C17orf99: variants seen among roughly 807,000 people sequenced by gnomAD.
The protein encoded by C17orf99 is chromosome 17 open reading frame 99.
Under a neutral mutation model 22.6 loss-of-function variants are expected in C17orf99, and 18 were observed. That is an observed-to-expected ratio of 0.80 (90% CI 0.55 to 1.18). The LOEUF is 1.18. C17orf99 is among the 50% of genes most tolerant of loss of function. The pLI, the probability that C17orf99 is intolerant of heterozygous loss-of-function variation, is 0.00. For missense variants in C17orf99, 328 were observed against 342.7 expected, an observed-to-expected ratio of 0.96 and a Z score of 0.34; for synonymous variants, 147 against 136.6, an observed-to-expected ratio of 1.08 and a Z score of -0.53.
intron 2 of C17orf99, chr17:78,158,032 TG>T: frequency 7.3e-7 from 1 of 1,366,030 alleles, no homozygotes. Context: ...GCATCCAGGA[TG>T]GGCACCTATC....
At chr17:78,157,853 C>A in intron 2 of C17orf99, 1 of 1,086,362 alleles carries the variant, frequency 9.2e-7, no homozygotes, top group Non-Finnish European at 1.4e-6. Context: ...CAAAGGCCGG[C>A]CACGTAAGAT....
chr17:78,165,849 G>A, intron 4 of C17orf99, 40 bp from the exon 5 acceptor site: 1 of 1,285,858 alleles, frequency 7.8e-7, no homozygotes, highest in Non-Finnish European at 1.0e-6. Context: ...ATGGCTGGGA[G>A]GTGAGCCTGC....
intron 3 of C17orf99, among the ~76,000 whole-genome samples, chr17:78,161,902 A>T (rs1276190222): frequency 6.6e-6 from 1 of 152,032 alleles, no homozygotes; most frequent in Non-Finnish European, 1.5e-5. Flanking sequence ...ACTTCGCTTG[A>T]TCTTCACAGC....
rs1165022328 is a variant in C17orf99 at position 78,166,271 on chromosome 17, G to C, written c.*225G>C. The stretch of plus-strand genomic sequence containing the variant: ...ATCTATATGAATCCCATCATATCAG[G>C]TTGTCTACCTTAAATATACACAAAA... On this transcript the variant is annotated 3_prime_UTR_variant, in exon 5 of 5. Coordinates refer to ENST00000340363, the MANE Select transcript of C17orf99 (RefSeq NM_001163075.2). The C allele has an allele frequency of 1.1e-5, 4 of 354,662 alleles. No individual in the cohort carries two copies. The East Asian group carries it at 1.7e-4, about 15-fold the overall frequency. The allele number at this position is 354,662 out of a possible 1,614,324, so 22.0% of individuals were successfully genotyped here. A position where few individuals can be genotyped will look rare whatever the true frequency, so the allele number is the denominator to read the frequency against.
rs1223155627 is a variant in C17orf99, at chr17:78,161,032, T to A, written c.148T>A (p.Cys50Ser). The A allele has an allele frequency of 1.1e-5, 17 of 1,551,546 alleles. No homozygotes were observed. The Admixed American group carries it at 2.5e-4, about 23-fold the overall frequency. Residue 50 changes from cysteine (C) to serine (S), a missense_variant, in exon 3 of 5, where the codon TGT becomes AGT. Transcript: ENST00000340363. ...PKGRWVLITC[C>S]APQPPPPITY... is the part of the protein sequence containing the mutation. Reference sequence around the variant, plus strand: ...AGGCCGCTGGGTGCTCATAACCTGCTGTGCACCCCAGCCACCACCGCCCAT... The same window carrying A: ...AGGCCGCTGGGTGCTCATAACCTGCAGTGCACCCCAGCCACCACCGCCCAT...
chr17:78,151,566 C>T (rs371097315), intron 2 of C17orf99, among the ~76,000 whole-genome samples: 1 of 152,228 alleles, frequency 6.6e-6, no homozygotes, highest in East Asian at 1.9e-4. Context: ...CCCAAGGCCC[C>T]GCGGGAGCAC....
At chr17:78,165,151 G>A in intron 4 of C17orf99, 1 of 1,011,726 alleles carries the variant, frequency 9.9e-7, no homozygotes, top group Non-Finnish European at 1.2e-6. Context: ...GGCCTTTGTA[G>A]TGTCTGAGTG....
intron 2 of C17orf99, chr17:78,160,696 G>T: frequency 2.0e-6 from 1 of 489,378 alleles, no homozygotes; most frequent in Non-Finnish European, 3.7e-6. Flanking sequence ...AGATTCTCCT[G>T]CCTTAGCTTC....
chr17:78,153,236 C>A (rs2075499404), intron 2 of C17orf99, among the ~76,000 whole-genome samples: 1 of 152,160 alleles, frequency 6.6e-6, no homozygotes, highest in South Asian at 2.1e-4. Context: ...GTAATCCCGG[C>A]ACTCTGGGAG....
In C17orf99 at chr17:78,146,992, G is replaced by A. The variant is rs1394417746; in HGVS notation, c.70+81G>A. On this transcript the variant is annotated intron_variant, in intron 2 of 4. Coordinates refer to ENST00000340363, the MANE Select transcript of C17orf99 (RefSeq NM_001163075.2). This position sits in a 1 kb window ranked among gnomAD's most constrained non-coding sequence, Gnocchi z 5.2. ...GAACCCCCATGGTGGAGGGCGCCTC[G>A]GCTGGGAAGGGAGTTACTAGTGGGG... 5.6e-6 allele frequency: 7 copies of A among 1,252,738 alleles called. No individual in the cohort carries two copies. The highest frequency in any genetic ancestry group is 2.0e-4 in the Middle Eastern group (1 of 4,984). The allele number at this position is 1,252,738 out of a possible 1,614,324, so 77.6% of individuals were successfully genotyped here. A position where few individuals can be genotyped will look rare whatever the true frequency, so the allele number is the denominator to read the frequency against.
chr17:78,157,968 CAACTCAT>C, intron 2 of C17orf99: 1 of 1,219,980 alleles, frequency 8.2e-7, no homozygotes, highest in East Asian at 2.6e-5. Flanking sequence ...ATCTGCCTGT[CAACTCAT>C]AACATGGATG....
Position 78,161,148 on chromosome 17 carries a change from A to G in C17orf99, c.264A>G (p.Thr88=). The G allele has an allele frequency of 4.5e-6, 7 of 1,551,614 alleles. No homozygotes were observed. Among genetic ancestry groups the G allele is most frequent in the East Asian group, 4.9e-5 (2 of 40,930 alleles). Residue 88 remains threonine, a synonymous_variant, in exon 3 of 5, where the codon ACA becomes ACG. Coordinates refer to ENST00000340363, the MANE Select transcript of C17orf99 (RefSeq NM_001163075.2). ...HEPASFNLNV[T]LKSSPDLLTY... ...CGGCCTCCTTCAACCTCAACGTCAC[A>G]CTCAAGTCCAGTCCAGACCTGCTCA...
At chr17:78,164,902 C>T (rs1399343524) in intron 4 of C17orf99, 2 of 1,170,762 alleles carry the variant, frequency 1.7e-6, no homozygotes, top group Non-Finnish European at 2.1e-6. Flanking sequence ...CCAGTGCTCC[C>T]AGGTGCCCTG....
intron 2 of C17orf99, among the ~76,000 whole-genome samples, chr17:78,148,513 CA>C (rs569889603): frequency 6.6e-6 from 1 of 151,650 alleles, no homozygotes; most frequent in Non-Finnish European, 1.5e-5. Flanking sequence ...GGTGGCAGAG[CA>C]AAAAAAGCAC....
chr17:78,161,915 T>C (rs1028941069), intron 3 of C17orf99, among the ~76,000 whole-genome samples: 3 of 151,610 alleles, frequency 2.0e-5, no homozygotes, highest in African/African-American at 7.3e-5. Context: ...TTCACAGCAG[T>C]GTCAGGGGTG....
Position 78,165,926 on chromosome 17 carries a change from G to A in C17orf99, c.678G>A (p.Leu226=). The change falls in exon 5 of 5, where the codon CTG becomes CTA. Residue 226 remains leucine, a synonymous_variant. Transcript: ENST00000340363. ...DQKMEDWQGP[L]ESPILALPLY... ...AGATGGAGGACTGGCAGGGTCCCCTGGAGAGCCCCATCCTTGCCTTGCCGC... is the reference window on the plus strand; with the variant it reads ...AGATGGAGGACTGGCAGGGTCCCCTAGAGAGCCCCATCCTTGCCTTGCCGC... 1 of 1,441,672 alleles carries A rather than the reference G, an allele frequency of 6.9e-7. No individual in the cohort carries two copies. The highest frequency in any genetic ancestry group is 9.2e-7 in the Non-Finnish European group (1 of 1,082,340). The allele number at this position is 1,441,672 out of a possible 1,614,324, so 89.3% of individuals were successfully genotyped here.
At position 78,146,419 on chromosome 17, in the gene C17orf99, TG is replaced by T; in HGVS notation, c.15del (p.Leu6CysfsTer42). Reference sequence around the variant, plus strand: ...ACACCCACCGAGGCATGGGGCTCCCTGGGCTGTTCTGCTTGGCCGTGCTGGG... The same window carrying T: ...ACACCCACCGAGGCATGGGGCTCCCTGGCTGTTCTGCTTGGCCGTGCTGGG... Reference protein sequence around the residue: MGLPGLFCLAVLAAS... With the variant: MGLPXLFCLAVLAAS... On this transcript the variant is annotated frameshift_variant, in exon 1 of 5. Transcript: ENST00000340363. LOFTEE classifies it high-confidence loss of function. The surrounding 1 kb of genome is among the most constrained non-coding windows in gnomAD (Gnocchi z 5.2). The T allele has an allele frequency of 6.5e-7, 1 of 1,550,300 alleles. No individual in the cohort carries two copies. Among genetic ancestry groups the T allele is most frequent in the Non-Finnish European group, 8.7e-7 (1 of 1,146,822 alleles).
At chr17:78,153,203 G>A (rs1018237726) in intron 2 of C17orf99, among the ~76,000 whole-genome samples, 2 of 152,114 alleles carry the variant, frequency 1.3e-5, no homozygotes, top group East Asian at 1.9e-4. Flanking sequence ...GTGAGTGTGC[G>A]GCCGGGGACG....
At chr17:78,149,331 CAAAAAAAAAA>C (rs35155993) in intron 2 of C17orf99, among the ~76,000 whole-genome samples, 5 of 41,018 alleles carry the variant, frequency 1.2e-4, no homozygotes, top group South Asian at 1.2e-3. Context: ...GACTCTGCCT[CAAAAAAAAAA>C]AAAAAAAAAA....
Sources: allele counts gnomAD v4.1 joint callset (sites outside exome capture counted in the v4.1 genomes callset), GRCh38; gene constraint gnomAD v4.1.1; non-coding constraint Gnocchi (gnomAD v3.1); transcripts MANE v1.5; gene names NCBI Gene and HGNC (gene_info 2026-07-23, HGNC 2026-07-21).